Variants in HIBADH observed in about 807,000 individuals in gnomAD.
HIBADH encodes the protein 3-hydroxyisobutyrate dehydrogenase, mitochondrial.
HIBADH carries 25 observed loss-of-function variants against 36.1 expected under a neutral mutation model. The ratio of observed to expected loss-of-function variants is 0.69; its 90% confidence interval spans 0.50 to 0.97. The LOEUF is 0.97. HIBADH is among the 50% of genes least tolerant of loss of function. The probability of loss-of-function intolerance (pLI) is 0.00; values close to 1 mark genes in which losing one functional copy is unlikely to be tolerated. For synonymous variants in HIBADH, 160 were observed against 149.5 expected (o/e 1.07, Z -0.51); for missense variants, 421 against 418.0 (o/e 1.01, Z -0.06).
intron 5 of HIBADH, among the ~76,000 whole-genome samples, chr7:27,541,132 CTTT>C (rs60000681): frequency 1.5e-4 from 21 of 144,304 alleles, no homozygotes; most frequent in South Asian, 4.4e-4. Context: ...TTCGAGCATC[CTTT>C]TTTTTTTTTT....
chr7:27,644,979 A>C (rs1786036213), intron 2 of HIBADH, among the ~76,000 whole-genome samples: 1 of 152,178 alleles, frequency 6.6e-6, no homozygotes, highest in Admixed American at 6.5e-5. Context: ...ATGTTGCAGC[A>C]AATATTAGTA....
chr7:27,531,234 AG>A lies in HIBADH; in HGVS notation c.809del (p.Ala270ValfsTer43). On this transcript the variant is annotated frameshift_variant, in exon 7 of 8. Coordinates refer to ENST00000265395, the MANE Select transcript of HIBADH (RefSeq NM_152740.4). LOFTEE classifies it high-confidence loss of function. ...TTCCAAATCCACCCTGATAGTTATT[AG>A]CCGAGGGAACGCCATCCATCACTCC... ...VPGVMDGVPS[A>X]NNYQGGFGTT... The A allele has an allele frequency of 6.2e-7, 1 of 1,614,008 alleles. No individual in the cohort carries two copies.
chr7:27,531,404 G>A, intron 6 of HIBADH, 56 bp from the exon 7 acceptor site: 2 of 1,479,020 alleles, frequency 1.4e-6, no homozygotes, highest in East Asian at 2.3e-5. Flanking sequence ...CGTCGTGCGT[G>A]ACTTATTTAT....
At chr7:27,549,225 A>C (rs1312665178) in intron 4 of HIBADH, among the ~76,000 whole-genome samples, 1 of 152,240 alleles carries the variant, frequency 6.6e-6, no homozygotes, top group Non-Finnish European at 1.5e-5. Context: ...ATTATAGTTA[A>C]TAACAATGTA....
intron 4 of HIBADH, among the ~76,000 whole-genome samples, chr7:27,590,849 A>C (rs1010030673): frequency 2.6e-5 from 4 of 152,234 alleles, no homozygotes; most frequent in Non-Finnish European, 4.4e-5. Context: ...AGATACTACC[A>C]GGTACGGTTA....
chr7:27,585,840 G>C (rs1278941135), intron 4 of HIBADH, among the ~76,000 whole-genome samples: 2 of 152,008 alleles, frequency 1.3e-5, no homozygotes, highest in African/African-American at 4.8e-5. Flanking sequence ...CTAGGTACAT[G>C]ATTTTTTTTT....
intron 2 of HIBADH, among the ~76,000 whole-genome samples, chr7:27,632,742 T>C (rs1785769183): frequency 6.6e-6 from 1 of 152,096 alleles, no homozygotes; most frequent in South Asian, 2.1e-4. Flanking sequence ...CAGACACACT[T>C]CTCATGGGTT....
intron 4 of HIBADH, among the ~76,000 whole-genome samples, chr7:27,579,549 T>C (rs1448739598): frequency 6.6e-6 from 1 of 152,246 alleles, no homozygotes; most frequent in Non-Finnish European, 1.5e-5. Context: ...AGATATTTTA[T>C]TGAAACATCT....
At chr7:27,596,475 C>T (rs949596858) in intron 4 of HIBADH, among the ~76,000 whole-genome samples, 5 of 152,206 alleles carry the variant, frequency 3.3e-5, no homozygotes, top group African/African-American at 7.2e-5. Context: ...GATGAAAAGA[C>T]TGGCAACATC....
intron 2 of HIBADH, among the ~76,000 whole-genome samples, chr7:27,641,293 A>G (rs560255968): frequency 6.6e-6 from 1 of 152,322 alleles, no homozygotes; most frequent in Non-Finnish European, 1.5e-5. Context: ...TGACATTAGA[A>G]ATCAACTAAC....
At chr7:27,633,776 G>T (rs562334464) in intron 2 of HIBADH, among the ~76,000 whole-genome samples, 2 of 152,002 alleles carry the variant, frequency 1.3e-5, no homozygotes, top group East Asian at 3.9e-4. Flanking sequence ...GATTATTGAG[G>T]ATTTCTCTCC....
intron 4 of HIBADH, among the ~76,000 whole-genome samples, chr7:27,626,421 T>G (rs1228823278): frequency 6.6e-6 from 1 of 152,200 alleles, no homozygotes; most frequent in Non-Finnish European, 1.5e-5. Context: ...TTACTTTCGA[T>G]TTTTAAAAGA....
intron 1 of HIBADH, among the ~76,000 whole-genome samples, chr7:27,650,108 C>T (rs1033772506): frequency 1.4e-4 from 22 of 152,038 alleles, no homozygotes; most frequent in African/African-American, 4.8e-4. Context: ...TATAAAACAC[C>T]TAATATGTAA....
At chr7:27,616,776 T>C (rs1368485864) in intron 4 of HIBADH, among the ~76,000 whole-genome samples, 2 of 145,708 alleles carry the variant, frequency 1.4e-5, no homozygotes, top group East Asian at 4.1e-4. Flanking sequence ...TGTCTTCCTT[T>C]TTTAGAAAAG....
intron 4 of HIBADH, among the ~76,000 whole-genome samples, chr7:27,616,291 T>C (rs527871928): frequency 9.9e-5 from 15 of 152,138 alleles, no homozygotes; most frequent in Non-Finnish European, 2.1e-4. Flanking sequence ...TCTACCTCCA[T>C]GGCCCAAATA....
chr7:27,610,398 T>C (rs747715797), intron 4 of HIBADH, among the ~76,000 whole-genome samples: 2 of 152,160 alleles, frequency 1.3e-5, no homozygotes, highest in South Asian at 2.1e-4. Context: ...GGTGGTTGCT[T>C]TGTGGTAAGA....
chr7:27,558,675 A>G (rs936457422), intron 4 of HIBADH, among the ~76,000 whole-genome samples: 10 of 152,174 alleles, frequency 6.6e-5, no homozygotes, highest in African/African-American at 2.2e-4. Flanking sequence ...AGCCTGGACC[A>G]CAGAGCAAGA....
chr7:27,588,096 C>A (rs1329938469), intron 4 of HIBADH, among the ~76,000 whole-genome samples: 1 of 152,174 alleles, frequency 6.6e-6, no homozygotes, highest in African/African-American at 2.4e-5. Flanking sequence ...TCTTTAGGAT[C>A]TTTACTCTGA....
intron 4 of HIBADH, among the ~76,000 whole-genome samples, chr7:27,626,908 C>G (rs1235709322): frequency 6.6e-6 from 1 of 152,150 alleles, no homozygotes; most frequent in Non-Finnish European, 1.5e-5. Context: ...CTCAAAGATT[C>G]CATGTTTCAA....
Sources: gnomAD v4.1 joint callset for allele counts (sites outside exome capture counted in the v4.1 genomes callset) on GRCh38, gnomAD v4.1.1 for gene constraint, MANE v1.5 for transcripts, NCBI Gene and HGNC (gene_info 2026-07-23, HGNC 2026-07-21) for gene names.